The following CNOT4 variants were observed in gnomAD, a reference collection of about 807,000 sequenced individuals.
The protein encoded by CNOT4 is CCR4-NOT transcription complex subunit 4, also known as CCR4-associated factor 4.
Under a neutral mutation model 73.8 loss-of-function variants are expected in CNOT4, and 8 were observed. The observed-to-expected ratio is 0.11, with a 90% CI of 0.06 to 0.20. CNOT4 has a LOEUF of 0.20. Ranked by LOEUF, CNOT4 falls within the 10% of genes least tolerant of loss-of-function variation. The probability of loss-of-function intolerance (pLI) is 1.00; values close to 1 mark genes in which losing one functional copy is unlikely to be tolerated. For synonymous variants in CNOT4, 293 were observed against 321.1 expected, an observed-to-expected ratio of 0.91 and a Z score of 0.94; for missense variants, 564 against 883.4, an observed-to-expected ratio of 0.64 and a Z score of 4.58.
intron 1 of CNOT4, among the ~76,000 whole-genome samples, chr7:135,482,913 G>A (rs1440623751): frequency 1.3e-5 from 2 of 148,478 alleles, no homozygotes; most frequent in Non-Finnish European, 3.0e-5. Context: ...CTGAGCCTGG[G>A]AAGTGGAGGT....
chr7:135,470,777 C>A (rs1223758278), intron 1 of CNOT4, among the ~76,000 whole-genome samples: 2 of 152,142 alleles, frequency 1.3e-5, no homozygotes, highest in Non-Finnish European at 2.9e-5. Flanking sequence ...ATAACAGCCA[C>A]AACTAAGCTC....
chr7:135,452,130 T>C (rs997359025), intron 1 of CNOT4, among the ~76,000 whole-genome samples: 7 of 151,962 alleles, frequency 4.6e-5, no homozygotes, highest in African/African-American at 9.7e-5. Flanking sequence ...TGCCAGCTAC[T>C]GCGGAGGCTG....
intron 7 of CNOT4, among the ~76,000 whole-genome samples, chr7:135,405,040 T>A (rs1797205035): frequency 6.6e-6 from 1 of 152,214 alleles, no homozygotes; most frequent in South Asian, 2.1e-4. Context: ...ATTTTACCTC[T>A]TCTAGACTGA....
intron 1 of CNOT4, among the ~76,000 whole-genome samples, chr7:135,456,931 C>G (rs1020343204): frequency 6.6e-6 from 1 of 151,906 alleles, no homozygotes; most frequent in African/African-American, 2.4e-5. Context: ...TAAAACTAGT[C>G]TTTATTTGCA....
intron 2 of CNOT4, among the ~76,000 whole-genome samples, chr7:135,424,539 C>T (rs1488412326): frequency 6.6e-6 from 1 of 152,120 alleles, no homozygotes; most frequent in Non-Finnish European, 1.5e-5. Flanking sequence ...AATTCCAGCA[C>T]TTTGGGAGGC....
intron 10 of CNOT4, chr7:135,388,110 TG>T (rs1796214853): frequency 1.0e-6 from 1 of 985,086 alleles, no homozygotes; most frequent in African/African-American, 1.7e-5. Flanking sequence ...TACTAGGCAG[TG>T]CATTAGAAAA....
chr7:135,388,887 T>C, intron 10 of CNOT4: 1 of 1,612,718 alleles, frequency 6.2e-7, no homozygotes, highest in Non-Finnish European at 8.5e-7. Flanking sequence ...CCTTCACCTC[T>C]TCTTCCCCTG....
chr7:135,441,505 T>C (rs1000120784), intron 1 of CNOT4, among the ~76,000 whole-genome samples: 24 of 152,108 alleles, frequency 1.6e-4, no homozygotes, highest in Admixed American at 1.2e-3. Context: ...CCCCCAACTT[T>C]AAACATCCCA....
At chr7:135,421,541 G>A (rs528246961) in intron 3 of CNOT4, among the ~76,000 whole-genome samples, 1 of 152,246 alleles carries the variant, frequency 6.6e-6, no homozygotes, top group East Asian at 1.9e-4. Context: ...AAGGCTTTTG[G>A]TGGAAGAAGA....
intron 1 of CNOT4, among the ~76,000 whole-genome samples, chr7:135,450,056 C>G (rs920197330): frequency 6.6e-6 from 1 of 152,002 alleles, no homozygotes; most frequent in Admixed American, 6.6e-5. Context: ...TGACAAACAG[C>G]TAAAAATAGT....
At chr7:135,448,237 A>G (rs1799945062) in intron 1 of CNOT4, among the ~76,000 whole-genome samples, 1 of 152,160 alleles carries the variant, frequency 6.6e-6, no homozygotes, top group Admixed American at 6.5e-5. Flanking sequence ...ACATAAAATT[A>G]CGAGCCATGT....
At chr7:135,456,506 T>C (rs532587321) in intron 1 of CNOT4, among the ~76,000 whole-genome samples, 5 of 152,212 alleles carry the variant, frequency 3.3e-5, no homozygotes, top group Non-Finnish European at 5.9e-5. Flanking sequence ...AGCTGTGGTA[T>C]ATAATATGAA....
intron 1 of CNOT4, chr7:135,444,839 G>A (rs1799721445): frequency 3.1e-6 from 5 of 1,606,870 alleles, no homozygotes; most frequent in Non-Finnish European, 2.6e-6. Context: ...CAGGGCTTTT[G>A]GCACTTTCAG....
intron 1 of CNOT4, among the ~76,000 whole-genome samples, chr7:135,453,989 C>CATATATATATATATAT (rs371504271): frequency 6.5e-4 from 87 of 133,998 alleles, no homozygotes; most frequent in African/African-American, 2.1e-3. Flanking sequence ...AATATATATA[C>CATATATATATATATAT]ATATATATAT....
chr7:135,427,265 C>A (rs79258690), intron 2 of CNOT4, among the ~76,000 whole-genome samples: 1 of 152,006 alleles, frequency 6.6e-6, no homozygotes, highest in South Asian at 2.1e-4. Flanking sequence ...ATTAAACTTG[C>A]TAAGACTTTA....
intron 10 of CNOT4, chr7:135,384,695 C>T (rs999194524): frequency 1.3e-6 from 1 of 765,280 alleles, no homozygotes; most frequent in East Asian, 2.4e-5. Flanking sequence ...TTCAGCACTG[C>T]CAGTCTCTTC....
chr7:135,484,284 A>G (rs1342856855), intron 1 of CNOT4, among the ~76,000 whole-genome samples: 13 of 152,150 alleles, frequency 8.5e-5, no homozygotes, highest in Admixed American at 7.9e-4. Flanking sequence ...GTTCTCACCA[A>G]TCTTATCCAA....
rs2129482275 is a variant in CNOT4 at position 135,362,738 on chromosome 7, G to C, written c.*147C>G. 1 of 812,768 alleles carries C rather than the reference G, an allele frequency of 1.2e-6. No homozygotes were observed. Among genetic ancestry groups the C allele is most frequent in the East Asian group, 2.4e-5 (1 of 41,410 alleles). The allele number at this position is 812,768 out of a possible 1,614,324, so 50.3% of individuals were successfully genotyped here. A position where few individuals can be genotyped will look rare whatever the true frequency, so the allele number is the denominator to read the frequency against. ...ATGGTAATGACCCTGTGATCGCATT[G>C]CATCTGGGGTTAGGGAGAAAAAAAA... On this transcript the variant is annotated 3_prime_UTR_variant, in exon 12 of 12. Transcript: ENST00000541284.
At chr7:135,470,118 G>C (rs1001072941) in intron 1 of CNOT4, among the ~76,000 whole-genome samples, 1 of 148,912 alleles carries the variant, frequency 6.7e-6, no homozygotes, top group Non-Finnish European at 1.5e-5. Flanking sequence ...ACACCGTGCC[G>C]AGCCTGGTGT....
Sources: gnomAD v4.1 joint callset for allele counts (sites outside exome capture counted in the v4.1 genomes callset) on GRCh38, gnomAD v4.1.1 for gene constraint, MANE v1.5 for transcripts, NCBI Gene and HGNC (gene_info 2026-07-23, HGNC 2026-07-21) for gene names.